CFAP58: variants seen among roughly 807,000 people sequenced by gnomAD.
CFAP58 encodes cilia and flagella associated protein 58.
A neutral mutation model predicts 119.5 loss-of-function variants in CFAP58; 88 were observed. The ratio of observed to expected loss-of-function variants is 0.74; its 90% confidence interval spans 0.62 to 0.88. The LOEUF is 0.88. CFAP58 is among the 40% of genes least tolerant of loss of function. The pLI is 0.00. For synonymous variants in CFAP58, 365 were observed against 366.3 expected, an observed-to-expected ratio of 1.00 and a Z score of 0.04; for missense variants, 990 against 1,021.2, an observed-to-expected ratio of 0.97 and a Z score of 0.42.
At chr10:104,430,198 T>C (rs1330576334) in intron 15 of CFAP58, among the ~76,000 whole-genome samples, 2 of 152,256 alleles carry the variant, frequency 1.3e-5, no homozygotes, top group South Asian at 2.1e-4. Flanking sequence ...CTGAAGTTAC[T>C]TGTTGGTCGC....
rs2014502657 is a variant in CFAP58, at chr10:104,353,845, A to T, written c.-53A>T. ...TAGCTTCTTTCCCAGACTCCGGCCC[A>T]GCTCCTGCGATCTCCACAGCAGCCT... On this transcript the variant is annotated 5_prime_UTR_variant, in exon 1 of 18. Transcript: ENST00000369704. The T allele has an allele frequency of 6.3e-7, 1 of 1,595,042 alleles. No individual in the cohort carries two copies. Among genetic ancestry groups the T allele is most frequent in the Admixed American group, 1.7e-5 (1 of 59,168 alleles).
At chr10:104,350,835 A>C (rs2014451420), upstream of CFAP58, among the ~76,000 whole-genome samples, 2 of 152,184 alleles carry the variant, frequency 1.3e-5, no homozygotes, top group South Asian at 2.1e-4. Flanking sequence ...CCTACCATGC[A>C]GTACGTTCCT....
At chr10:104,438,961 T>C (rs1048880972) in intron 15 of CFAP58, among the ~76,000 whole-genome samples, 1 of 152,226 alleles carries the variant, frequency 6.6e-6, no homozygotes, top group South Asian at 2.1e-4. Flanking sequence ...ATAAGATTTA[T>C]GGTTCAATAA....
chr10:104,439,752 C>T (rs1198479323), intron 15 of CFAP58, among the ~76,000 whole-genome samples: 5 of 141,012 alleles, frequency 3.5e-5, no homozygotes, highest in Non-Finnish European at 7.8e-5. Context: ...AGAAAAATAG[C>T]AAAAGCTAAT....
chr10:104,419,291 G>C (rs1287047675), intron 15 of CFAP58, among the ~76,000 whole-genome samples: 2 of 152,082 alleles, frequency 1.3e-5, no homozygotes, highest in African/African-American at 4.8e-5. Flanking sequence ...GACAGCCTGA[G>C]TATGAACATT....
intron 15 of CFAP58, among the ~76,000 whole-genome samples, chr10:104,423,695 C>G (rs2012697486): frequency 6.6e-6 from 1 of 152,156 alleles, no homozygotes; most frequent in African/African-American, 2.4e-5. Flanking sequence ...ACAATTATAT[C>G]TTACTCCCCA....
At chr10:104,383,235 T>G (rs1423747681) in intron 9 of CFAP58, among the ~76,000 whole-genome samples, 1 of 152,208 alleles carries the variant, frequency 6.6e-6, no homozygotes, top group African/African-American at 2.4e-5. Context: ...CACTTCGTAC[T>G]TTTATGGATT....
chr10:104,364,375 C>G (rs1476224100), intron 3 of CFAP58, among the ~76,000 whole-genome samples: 2 of 151,412 alleles, frequency 1.3e-5, no homozygotes, highest in Non-Finnish European at 2.9e-5. Context: ...CCCTAAATTT[C>G]TCAGAGATAA....
chr10:104,440,917 T>C (rs1311776708), intron 15 of CFAP58, among the ~76,000 whole-genome samples: 5 of 152,202 alleles, frequency 3.3e-5, no homozygotes, highest in African/African-American at 9.6e-5. Flanking sequence ...AGCACCTCTT[T>C]GGGAACCTGG....
intron 15 of CFAP58, among the ~76,000 whole-genome samples, chr10:104,432,013 T>A (rs1215472928): frequency 6.6e-6 from 1 of 152,166 alleles, no homozygotes; most frequent in Non-Finnish European, 1.5e-5. Context: ...ATTGCAAAAG[T>A]GTTTCAGGGG....
At position 104,454,709 on chromosome 10, in the gene CFAP58, T is replaced by G. The variant is rs1416047363; in HGVS notation, c.*179T>G. 2 of 586,420 alleles carry G rather than the reference T, an allele frequency of 3.4e-6. No homozygotes were observed. Among genetic ancestry groups the G allele is most frequent in the Non-Finnish European group, 6.1e-6 (2 of 329,234 alleles). The allele number at this position is 586,420 out of a possible 1,614,324, so 36.3% of individuals were successfully genotyped here. A position where few individuals can be genotyped will look rare whatever the true frequency, so the allele number is the denominator to read the frequency against. On this transcript the variant is annotated 3_prime_UTR_variant, in exon 18 of 18. Coordinates refer to ENST00000369704, the MANE Select transcript of CFAP58 (RefSeq NM_001008723.2). ...GGGATGGTGTTTTGTCTGGTTCACGTTGATATTAACAGATCATAATTCTCT... is the reference window on the plus strand; with the variant it reads ...GGGATGGTGTTTTGTCTGGTTCACGGTGATATTAACAGATCATAATTCTCT...
intron 1 of CFAP58, 138 bp downstream of exon 1, chr10:104,354,044 C>T (rs1232836446): frequency 9.2e-7 from 1 of 1,085,458 alleles, no homozygotes; most frequent in African/African-American, 1.5e-5. Flanking sequence ...CACTCACTCC[C>T]GCGCCTTTCT....
Position 104,353,914 on chromosome 10 carries a change from G to A in CFAP58, c.9+8G>A, listed in dbSNP as rs776275853. On this transcript the variant is annotated splice_region_variant and intron_variant, in intron 1 of 17. Transcript: ENST00000369704. ...AGCATCAGGATGGCTGAGGTCAGGA[G>A]TCAGCGCCCCTCTGTCGCCTTTCCC... The A allele has an allele frequency of 8.7e-6, 14 of 1,613,622 alleles. No individual in the cohort carries two copies. The highest frequency in any genetic ancestry group is 1.2e-5 in the Non-Finnish European group (14 of 1,179,582).
At chr10:104,354,396 T>C (rs781356750) in intron 1 of CFAP58, among the ~76,000 whole-genome samples, 4 of 152,158 alleles carry the variant, frequency 2.6e-5, no homozygotes, top group Non-Finnish European at 5.9e-5. Flanking sequence ...AAGGCTCTTC[T>C]GCCCATCACC....
chr10:104,348,032 A>T, the CFAP58 span, among the ~76,000 whole-genome samples: 1 of 152,106 alleles, frequency 6.6e-6, no homozygotes, highest in Non-Finnish European at 1.5e-5. Flanking sequence ...TATAAATTCC[A>T]AGGGAAAATA....
intron 17 of CFAP58, 144 bp from the exon 18 acceptor site, chr10:104,454,278 A>G (rs2013241888): frequency 4.1e-6 from 3 of 728,110 alleles, no homozygotes; most frequent in Non-Finnish European, 7.3e-6. Context: ...TGAACACCTA[A>G]TTAGATTTAA....
chr10:104,450,594 G>A (rs2013178238), intron 17 of CFAP58, among the ~76,000 whole-genome samples: 1 of 152,160 alleles, frequency 6.6e-6, no homozygotes. Flanking sequence ...CTTTTGCTAA[G>A]GGACCAGGGC....
chr10:104,361,016 G>A (rs1364504854), intron 2 of CFAP58, among the ~76,000 whole-genome samples: 2 of 152,146 alleles, frequency 1.3e-5, no homozygotes, highest in Non-Finnish European at 2.9e-5. Flanking sequence ...CAAGAGGATG[G>A]TGCTAAACCA....
At chr10:104,451,702 A>G (rs916635666) in intron 17 of CFAP58, among the ~76,000 whole-genome samples, 2 of 152,190 alleles carry the variant, frequency 1.3e-5, no homozygotes, top group African/African-American at 4.8e-5. Flanking sequence ...GTCTAACTCA[A>G]TGGTCTTCAA....
Sources: allele counts gnomAD v4.1 joint callset (sites outside exome capture counted in the v4.1 genomes callset), GRCh38; gene constraint gnomAD v4.1.1; transcripts MANE v1.5; gene names NCBI Gene and HGNC (gene_info 2026-07-23, HGNC 2026-07-21).